The following CNTN6 variants were observed in gnomAD, a reference collection of about 807,000 sequenced individuals.
CNTN6 encodes contactin 6.
A neutral mutation model predicts 122.8 loss-of-function variants in CNTN6; 137 were observed. The observed-to-expected ratio is 1.12, with a 90% confidence interval of 0.97 to 1.29. The LOEUF (loss-of-function observed/expected upper bound fraction) is 1.29, where lower values mean the gene tolerates loss of function less well. Ranked by LOEUF, CNTN6 falls within the 50% of genes most tolerant of loss-of-function variation. CNTN6 has a pLI of 0.00. For missense variants in CNTN6, 1,634 were observed against 1,223.4 expected (o/e 1.34, Z -5.01); for synonymous variants, 570 against 426.0 (o/e 1.34, Z -4.16).
chr3:1,383,967 C>A (rs1211490595), intron 19 of CNTN6, among the ~76,000 whole-genome samples: 2 of 152,134 alleles, frequency 1.3e-5, no homozygotes, highest in Non-Finnish European at 2.9e-5. Flanking sequence ...GGTGCTTTAG[C>A]CTCTTCCCTG....
At chr3:1,150,099 A>C (rs993371654) in intron 2 of CNTN6, among the ~76,000 whole-genome samples, 5 of 152,138 alleles carry the variant, frequency 3.3e-5, no homozygotes, top group African/African-American at 1.2e-4. Context: ...ATCTAAGCTA[A>C]ACATTGCTCC....
chr3:1,254,058 A>G (rs73002363), intron 4 of CNTN6, among the ~76,000 whole-genome samples: 6,824 of 152,274 alleles, frequency 0.045, 272 homozygotes, highest in East Asian at 0.15. Context: ...AATTTCAAAC[A>G]TACAGAAATG....
At chr3:1,295,884 C>A in intron 6 of CNTN6, 80 bp downstream of exon 6, 1 of 1,322,506 alleles carries the variant, frequency 7.6e-7, no homozygotes, top group Non-Finnish European at 1.1e-6. Context: ...CTTTCTGCTT[C>A]CTTCTTGTTT....
intron 2 of CNTN6, among the ~76,000 whole-genome samples, chr3:1,163,537 A>G (rs2093180415): frequency 6.6e-6 from 1 of 152,038 alleles, no homozygotes; most frequent in South Asian, 2.1e-4. Flanking sequence ...TCAGCCTCCC[A>G]AGTAGCTGGG....
At chr3:1,266,558 C>T (rs1049197880) in intron 4 of CNTN6, among the ~76,000 whole-genome samples, 4 of 152,170 alleles carry the variant, frequency 2.6e-5, no homozygotes, top group Non-Finnish European at 5.9e-5. Flanking sequence ...CCATTACCTC[C>T]AAAACTCGGC....
chr3:1,201,398 T>G (rs1378806978), intron 2 of CNTN6, among the ~76,000 whole-genome samples: 1 of 152,184 alleles, frequency 6.6e-6, no homozygotes, highest in Non-Finnish European at 1.5e-5. Context: ...AAATTAGCTT[T>G]TTTTTCTCAT....
Position 1,243,403 on chromosome 3 carries a change from A to G in CNTN6, c.358+15410A>G, listed in dbSNP as rs376054932. On this transcript the variant is annotated intron_variant, in intron 4 of 22. Transcript: ENST00000446702. The stretch of plus-strand genomic sequence containing the variant: ...AGGCAAGGAATTGCAACTTTTTTCT[A>G]TTATTGTACACCTTGAAGACGAGGT... Among the ~76,000 whole-genome samples the G allele has an allele frequency of 6.6e-5, 10 of 152,154 alleles. No individual in the cohort carries two copies. In the South Asian group the frequency reaches 1.7e-3, roughly 25 times the overall value.
intron 4 of CNTN6, among the ~76,000 whole-genome samples, chr3:1,257,461 T>C (rs979989063): frequency 3.3e-5 from 5 of 152,106 alleles, no homozygotes; most frequent in Non-Finnish European, 5.9e-5. Context: ...AGCACTCTTA[T>C]AATTTCATTA....
At chr3:1,184,945 A>G (rs2093608250) in intron 2 of CNTN6, among the ~76,000 whole-genome samples, 1 of 152,178 alleles carries the variant, frequency 6.6e-6, no homozygotes, top group African/African-American at 2.4e-5. Context: ...CTGTGTTTAC[A>G]GCATTAGGAA....
rs541058992 is a variant in CNTN6, at chr3:1,107,262, G to T, written c.-83+14142G>T. Among the ~76,000 whole-genome samples the T allele has an allele frequency of 3.9e-5, 6 of 152,150 alleles. No individual in the cohort carries two copies. The South Asian group carries it at 1.2e-3, about 32-fold the overall frequency. On this transcript the variant is annotated intron_variant, in intron 1 of 22. Coordinates refer to ENST00000446702, the MANE Select transcript of CNTN6 (RefSeq NM_001289080.2). ...ATAAATAGGTATTTTTCACACAAAA[G>T]CCAGAAAATGATCATAAAATATGTC...
chr3:1,271,535 C>T (rs146968389), intron 4 of CNTN6, among the ~76,000 whole-genome samples: 6 of 152,040 alleles, frequency 3.9e-5, no homozygotes, highest in Admixed American at 6.5e-5. Flanking sequence ...TGCTGGTGGG[C>T]GGTGCATAGC....
intron 11 of CNTN6, among the ~76,000 whole-genome samples, chr3:1,335,843 A>G (rs1422810798): frequency 6.6e-6 from 1 of 152,136 alleles, no homozygotes; most frequent in Non-Finnish European, 1.5e-5. Flanking sequence ...AGCCTGGGCA[A>G]CATAGTGAGA....
chr3:1,252,157 C>G (rs1382909831), intron 4 of CNTN6, among the ~76,000 whole-genome samples: 1 of 152,190 alleles, frequency 6.6e-6, no homozygotes, highest in African/African-American at 2.4e-5. Context: ...AGGCCCACTT[C>G]TTAAACATTG....
intron 5 of CNTN6, among the ~76,000 whole-genome samples, chr3:1,284,801 A>C (rs1559708323): frequency 1.3e-5 from 2 of 152,232 alleles, no homozygotes; most frequent in Non-Finnish European, 2.9e-5. Context: ...AGACACATTA[A>C]GTAAAGGCAG....
chr3:1,126,981 C>T (rs1026862575), intron 1 of CNTN6, among the ~76,000 whole-genome samples: 10 of 151,636 alleles, frequency 6.6e-5, no homozygotes, highest in African/African-American at 2.4e-4. Context: ...ATATAGACAT[C>T]TGCATACATA....
chr3:1,351,098 G>C (rs549843676), intron 11 of CNTN6, among the ~76,000 whole-genome samples: 66 of 151,858 alleles, frequency 4.3e-4, no homozygotes, highest in African/African-American at 1.5e-3. Context: ...TTCAGATGTG[G>C]CTCCTTCCAC....
At chr3:1,194,371 G>A (rs1054836315) in intron 2 of CNTN6, among the ~76,000 whole-genome samples, 2 of 152,126 alleles carry the variant, frequency 1.3e-5, no homozygotes, top group African/African-American at 4.8e-5. Context: ...GTGGACTTGG[G>A]AGACTGGGTT....
chr3:1,308,919 A>C (rs1255061838), intron 7 of CNTN6, among the ~76,000 whole-genome samples: 1 of 152,112 alleles, frequency 6.6e-6, no homozygotes, highest in East Asian at 1.9e-4. Flanking sequence ...ATTATTTGCT[A>C]TCTATTTATC....
intron 7 of CNTN6, among the ~76,000 whole-genome samples, chr3:1,313,838 T>C (rs1330744246): frequency 1.3e-5 from 2 of 152,022 alleles, no homozygotes; most frequent in African/African-American, 2.4e-5. Flanking sequence ...ACTTAGTGTT[T>C]GGTGAGATGT....
Sources: gnomAD v4.1 joint callset for allele counts (sites outside exome capture counted in the v4.1 genomes callset) on GRCh38, gnomAD v4.1.1 for gene constraint, MANE v1.5 for transcripts, NCBI Gene and HGNC (gene_info 2026-07-23, HGNC 2026-07-21) for gene names.